The following TMCC1 variants were observed in gnomAD, a reference collection of about 807,000 sequenced individuals.
TMCC1 encodes transmembrane and coiled-coil domain family 1.
In TMCC1, 15 loss-of-function variants were observed where a neutral mutation model predicts 52.4. That is an observed-to-expected ratio of 0.29 (90% CI 0.19 to 0.44). TMCC1 has a LOEUF of 0.44. Among genes scored for constraint, TMCC1 ranks in the 20% least tolerant of loss-of-function variants. The pLI is 1.00. For missense variants in TMCC1, 503 were observed against 806.0 expected, an observed-to-expected ratio of 0.62 and a Z score of 4.55; for synonymous variants, 279 against 301.9, an observed-to-expected ratio of 0.92 and a Z score of 0.79.
chr3:129,654,890 T>TC, intron 6 of TMCC1, 78 bp downstream of exon 6: 1 of 1,555,398 alleles, frequency 6.4e-7, no homozygotes. Flanking sequence ...CCTTCTCATC[T>TC]TTTTTCCTTC....
chr3:129,834,110 A>G (rs1245114085), intron 2 of TMCC1, among the ~76,000 whole-genome samples: 1 of 152,222 alleles, frequency 6.6e-6, no homozygotes, highest in Admixed American at 6.5e-5. Context: ...CAGGAAGATC[A>G]GTTAGAATTG....
At chr3:129,677,121 C>T (rs952200077) in intron 4 of TMCC1, among the ~76,000 whole-genome samples, 2 of 151,692 alleles carry the variant, frequency 1.3e-5, no homozygotes, top group Non-Finnish European at 2.9e-5. Flanking sequence ...AAAATTTGGC[C>T]GGGTATGGTG....
intron 5 of TMCC1, among the ~76,000 whole-genome samples, chr3:129,655,361 C>G (rs955108295): frequency 3.3e-5 from 5 of 152,178 alleles, no homozygotes; most frequent in African/African-American, 9.7e-5. Context: ...ATGCCAGCAG[C>G]CCTGATTAGC....
intron 4 of TMCC1, among the ~76,000 whole-genome samples, chr3:129,719,964 T>C (rs894867757): frequency 1.3e-5 from 2 of 152,088 alleles, no homozygotes; most frequent in African/African-American, 4.8e-5. Flanking sequence ...GAGGATCACT[T>C]GAGCCCAGGA....
intron 4 of TMCC1, among the ~76,000 whole-genome samples, chr3:129,753,828 C>T (rs537341011): frequency 2.0e-5 from 3 of 151,812 alleles, no homozygotes; most frequent in East Asian, 3.9e-4. Context: ...TTTAACAACA[C>T]GAAGTACTAA....
intron 2 of TMCC1, chr3:129,868,878 A>G (rs1207315261): frequency 2.0e-5 from 3 of 152,200 alleles, no homozygotes; most frequent in African/African-American, 4.8e-5. Flanking sequence ...ATATTCTGAA[A>G]CCCAGCCCTC....
intron 4 of TMCC1, among the ~76,000 whole-genome samples, chr3:129,763,561 A>G (rs1233900704): frequency 6.7e-6 from 1 of 149,448 alleles, no homozygotes; most frequent in South Asian, 2.1e-4. Flanking sequence ...AAAAAAAAAA[A>G]AAAAAAGAAA....
intron 5 of TMCC1, among the ~76,000 whole-genome samples, chr3:129,661,511 T>A (rs1461154004): frequency 1.3e-5 from 2 of 152,184 alleles, no homozygotes; most frequent in African/African-American, 2.4e-5. Flanking sequence ...TTAATAAGGA[T>A]CTGAACCAAT....
intron 2 of TMCC1, among the ~76,000 whole-genome samples, chr3:129,860,077 C>G (rs1026080538): frequency 6.6e-6 from 1 of 152,148 alleles, no homozygotes; most frequent in Non-Finnish European, 1.5e-5. Context: ...TAATCTAACA[C>G]AAATATTCAA....
chr3:129,710,448 CAAGT>C (rs1464717272), intron 4 of TMCC1, among the ~76,000 whole-genome samples: 1 of 152,074 alleles, frequency 6.6e-6, no homozygotes, highest in Non-Finnish European at 1.5e-5. Flanking sequence ...CAGGTGCAAG[CAAGT>C]GTGCCCAGCT....
chr3:129,852,178 C>G (rs1321259485), intron 2 of TMCC1, among the ~76,000 whole-genome samples: 9 of 151,942 alleles, frequency 5.9e-5, no homozygotes. Flanking sequence ...AAGTGGTGAC[C>G]AGGTGCAGTG....
intron 4 of TMCC1, among the ~76,000 whole-genome samples, chr3:129,693,676 G>A (rs2047189957): frequency 6.6e-6 from 1 of 151,582 alleles, no homozygotes; most frequent in South Asian, 2.1e-4. Context: ...TCTATTTTTT[G>A]TGGCTATATG....
At chr3:129,736,713 G>A (rs2107626173) in intron 4 of TMCC1, among the ~76,000 whole-genome samples, 1 of 151,856 alleles carries the variant, frequency 6.6e-6, no homozygotes, top group Middle Eastern at 3.4e-3. Flanking sequence ...GTAGAGACAG[G>A]GTTTCACTGT....
chr3:129,839,373 A>G (rs2059320250), intron 2 of TMCC1, among the ~76,000 whole-genome samples: 1 of 152,208 alleles, frequency 6.6e-6, no homozygotes, highest in South Asian at 2.1e-4. Flanking sequence ...AATGTAAACA[A>G]AAAAGCAACC....
At chr3:129,662,215 A>C (rs2087087959) in intron 5 of TMCC1, among the ~76,000 whole-genome samples, 1 of 152,184 alleles carries the variant, frequency 6.6e-6, no homozygotes, top group South Asian at 2.1e-4. Flanking sequence ...TAATCATACA[A>C]GAACAGTCAT....
In TMCC1 at chr3:129,649,107, A is replaced by G. The variant is rs1431028782; in HGVS notation, c.*2374T>C. On this transcript the variant is annotated 3_prime_UTR_variant, in exon 7 of 7. Coordinates refer to ENST00000393238, the MANE Select transcript of TMCC1 (RefSeq NM_001017395.5). Reference sequence around the variant, plus strand: ...CCCAGGGCAAATAGGAACAGTTTCAATCCATCTATCAAAGTGACTTCCAGT... The same window carrying G: ...CCCAGGGCAAATAGGAACAGTTTCAGTCCATCTATCAAAGTGACTTCCAGT... The G allele has an allele frequency of 6.6e-6, 1 of 152,186 alleles. No individual in the cohort carries two copies. The highest frequency in any genetic ancestry group is 1.5e-5 in the Non-Finnish European group (1 of 68,032). The allele number at this position is 152,186 out of a possible 1,614,324, so 9.4% of individuals were successfully genotyped here. A position where few individuals can be genotyped will look rare whatever the true frequency, so the allele number is the denominator to read the frequency against.
chr3:129,841,172 G>T (rs925931267), intron 2 of TMCC1, among the ~76,000 whole-genome samples: 95 of 152,342 alleles, frequency 6.2e-4, no homozygotes, highest in African/African-American at 2.2e-3. Context: ...CAGACTGGTG[G>T]CATTTTGTCC....
At chr3:129,873,062 G>T (rs1384672217) in intron 2 of TMCC1, among the ~76,000 whole-genome samples, 1 of 151,826 alleles carries the variant, frequency 6.6e-6, no homozygotes, top group African/African-American at 2.4e-5. Context: ...CACCACGCTT[G>T]GCTAGTTTTT....
intron 4 of TMCC1, among the ~76,000 whole-genome samples, chr3:129,735,198 G>A (rs917805321): frequency 1.3e-5 from 2 of 152,074 alleles, no homozygotes; most frequent in Non-Finnish European, 2.9e-5. Flanking sequence ...ACTGCACCCA[G>A]CCTCTGTTTG....
Sources: allele counts gnomAD v4.1 joint callset (sites outside exome capture counted in the v4.1 genomes callset), GRCh38; gene constraint gnomAD v4.1.1; transcripts MANE v1.5; gene names NCBI Gene and HGNC (gene_info 2026-07-23, HGNC 2026-07-21).